EBF4: variants seen among roughly 807,000 people sequenced by gnomAD.
The protein encoded by EBF4 is transcription factor COE4.
EBF4 carries 34 observed loss-of-function variants against 67.1 expected under a neutral mutation model. The observed-to-expected ratio is 0.51, with a 90% CI of 0.39 to 0.67. EBF4 has a LOEUF of 0.67. EBF4 is among the 30% of genes least tolerant of loss of function. The probability of loss-of-function intolerance (pLI) is 0.00; values close to 1 mark genes in which losing one functional copy is unlikely to be tolerated. For missense variants in EBF4, 837 were observed against 873.3 expected (o/e 0.96, Z 0.52); for synonymous variants, 387 against 377.7 (o/e 1.02, Z -0.29).
chr20:2,736,536 C>T (rs980924369), intron 6 of EBF4, among the ~76,000 whole-genome samples: 3 of 152,202 alleles, frequency 2.0e-5, no homozygotes, highest in Non-Finnish European at 2.9e-5. Flanking sequence ...TCTCCTTCCA[C>T]GCTTTCCAGC....
chr20:2,700,384 C>T (rs2087356771), intron 1 of EBF4, among the ~76,000 whole-genome samples: 1 of 152,166 alleles, frequency 6.6e-6, no homozygotes, highest in South Asian at 2.1e-4. Context: ...CCCCTTCTCT[C>T]CCCCTTTCTT....
At chr20:2,710,420 GATTACAAACATGAGCCACTGTGCC>G (rs1290629300) in intron 6 of EBF4, among the ~76,000 whole-genome samples, 2 of 152,134 alleles carry the variant, frequency 1.3e-5, no homozygotes, top group Non-Finnish European at 2.9e-5. Flanking sequence ...AAAGTGCTGG[GATTACAAACATGAGCCACTGTGCC>G]TGGCCTACTT....
chr20:2,734,232 A>G (rs2087850017), intron 6 of EBF4, among the ~76,000 whole-genome samples: 1 of 152,000 alleles, frequency 6.6e-6, no homozygotes, highest in Non-Finnish European at 1.5e-5. Context: ...ACATGGTGAA[A>G]CCCTGTCTCT....
At chr20:2,752,196 G>C in exon 13 of EBF4, 2 of 1,425,252 alleles carry the variant, frequency 1.4e-6, no homozygotes, top group South Asian at 1.4e-5. Context: ...CCGCCGTCGT[G>C]GGCATCAACG....
intron 6 of EBF4, among the ~76,000 whole-genome samples, chr20:2,742,113 ACT>A (rs1266700026): frequency 6.6e-6 from 1 of 152,078 alleles, no homozygotes; most frequent in East Asian, 1.9e-4. Flanking sequence ...CCTGGGTCGG[ACT>A]CTGAGAGCCC....
Position 2,751,730 on chromosome 20 carries a change from T to G in EBF4, c.1049T>G (p.Phe350Cys). Residue 350 changes from phenylalanine (F) to cysteine (C), a missense_variant, in exon 11 of 17, where the codon TTC becomes TGC. Transcript: ENST00000609451. This position sits in a 1 kb window ranked among gnomAD's most constrained non-coding sequence, Gnocchi z 5.2. ...AACGAGCCCACCATTGACTACGGATTCCAGAGGCTACAGAAAGTCATTCCC... is the reference window on the plus strand; with the variant it reads ...AACGAGCCCACCATTGACTACGGATGCCAGAGGCTACAGAAAGTCATTCCC... The G allele has an allele frequency of 6.5e-7, 1 of 1,535,818 alleles. No individual in the cohort carries two copies. The highest frequency in any genetic ancestry group is 1.7e-4 in the Middle Eastern group (1 of 5,906).
At chr20:2,698,567 G>T (rs149613065) in intron 1 of EBF4, among the ~76,000 whole-genome samples, 1,862 of 152,252 alleles carry the variant, frequency 0.012, 39 homozygotes, top group African/African-American at 0.041. Context: ...TTGGAGGAAG[G>T]GGGGATGTAG....
chr20:2,716,944 G>T (rs1415461968), intron 6 of EBF4, among the ~76,000 whole-genome samples: 2 of 152,176 alleles, frequency 1.3e-5, no homozygotes, highest in African/African-American at 4.8e-5. Flanking sequence ...ACATTCTTCA[G>T]TTGAATATTG....
chr20:2,748,718 C>T (rs1407244538), intron 7 of EBF4, 88 bp downstream of exon 7: 2 of 1,442,260 alleles, frequency 1.4e-6, no homozygotes, highest in Non-Finnish European at 1.9e-6. Flanking sequence ...GTGACCCTGC[C>T]ACCCTGGGAA....
intron 6 of EBF4, among the ~76,000 whole-genome samples, chr20:2,728,902 T>C (rs1326374409): frequency 1.3e-5 from 2 of 152,142 alleles, no homozygotes; most frequent in African/African-American, 4.8e-5. Context: ...CTCTGTGTAA[T>C]TTTATCACTA....
In EBF4 at chr20:2,751,853, C is replaced by A; in HGVS notation, c.1107+65C>A. 6.5e-7 allele frequency: 1 copy of A among 1,548,308 alleles called. No individual in the cohort carries two copies. The highest frequency in any genetic ancestry group is 8.7e-7 in the Non-Finnish European group (1 of 1,146,088). On this transcript the variant is annotated intron_variant, in intron 11 of 16. Transcript: ENST00000609451. The surrounding 1 kb of genome is among the most constrained non-coding windows in gnomAD (Gnocchi z 5.2). ...CTGTGGGCAAGGGGGTGAGGAGGGGCTCCCGAGGGCCCCTTGGTCGCCCCC... is the reference window on the plus strand; with the variant it reads ...CTGTGGGCAAGGGGGTGAGGAGGGGATCCCGAGGGCCCCTTGGTCGCCCCC...
At chr20:2,694,315 G>T (rs2087257037) in intron 1 of EBF4, among the ~76,000 whole-genome samples, 1 of 152,182 alleles carries the variant, frequency 6.6e-6, no homozygotes, top group Admixed American at 6.5e-5. Flanking sequence ...TGGGCAGTCG[G>T]CCTGGCTGGA....
At chr20:2,699,856 G>A (rs1568565310) in intron 1 of EBF4, among the ~76,000 whole-genome samples, 1 of 152,232 alleles carries the variant, frequency 6.6e-6, no homozygotes, top group East Asian at 1.9e-4. Context: ...CCTTGGGGCT[G>A]TAGCTTTGCT....
downstream of EBF4, chr20:2,759,631 T>C (rs1233773421): frequency 6.5e-6 from 1 of 152,908 alleles, no homozygotes; most frequent in East Asian, 1.9e-4. Context: ...ATGGGGACCG[T>C]GGGAAAGAGG....
At chr20:2,708,164 G>A (rs1296487728) in intron 5 of EBF4, 144 bp downstream of exon 5, 12 of 816,060 alleles carry the variant, frequency 1.5e-5, no homozygotes, top group Admixed American at 2.7e-5. Flanking sequence ...GGTGATGAAG[G>A]GAGTGGTGAG....
chr20:2,737,232 AG>A (rs540982526), intron 6 of EBF4, among the ~76,000 whole-genome samples: 83 of 143,266 alleles, frequency 5.8e-4, no homozygotes, highest in South Asian at 2.0e-3. Flanking sequence ...CTTGGGTAAC[AG>A]GAGCGAAACT....
At position 2,733,354 on chromosome 20, in the gene EBF4, A is replaced by C. The variant is rs113274883; in HGVS notation, c.558-15195A>C. Among the ~76,000 whole-genome samples, 511 of 152,196 alleles carry C rather than the reference A, an allele frequency of 3.4e-3. 2 individuals are homozygous for C. The highest frequency in any genetic ancestry group is 0.012 in the African/African-American group (483 of 41,528). On this transcript the variant is annotated intron_variant, in intron 6 of 16. Coordinates refer to ENST00000609451, the Ensembl canonical transcript of EBF4. Reference sequence around the variant, plus strand: ...GATCCTTTCTTTTTCTTTGGCTTTCAAAAGTTTGAGTATGATGTGTCTTTG... The same window carrying C: ...GATCCTTTCTTTTTCTTTGGCTTTCCAAAGTTTGAGTATGATGTGTCTTTG...
intron 6 of EBF4, among the ~76,000 whole-genome samples, chr20:2,713,176 A>T (rs559124899): frequency 1.3e-5 from 2 of 152,206 alleles, no homozygotes; most frequent in Non-Finnish European, 2.9e-5. Flanking sequence ...ATGAGGATGC[A>T]AGAGAGAGGG....
chr20:2,727,213 G>T (rs1043007803), intron 6 of EBF4, among the ~76,000 whole-genome samples: 1 of 151,486 alleles, frequency 6.6e-6, no homozygotes, highest in Non-Finnish European at 1.5e-5. Flanking sequence ...TACATACATC[G>T]CATTGTATGT....
Sources: gnomAD v4.1 joint callset for allele counts (sites outside exome capture counted in the v4.1 genomes callset) on GRCh38, gnomAD v4.1.1 for gene constraint, Gnocchi (gnomAD v3.1) non-coding constraint, MANE v1.5 for transcripts, NCBI Gene and HGNC (gene_info 2026-07-23, HGNC 2026-07-21) for gene names.